Variants in GPC4 observed in about 807,000 individuals in gnomAD.
GPC4 encodes the protein glypican-4.
In GPC4, 10 loss-of-function variants were observed where a neutral mutation model predicts 35.0. The observed-to-expected ratio is 0.29, with a 90% CI of 0.18 to 0.48. GPC4 has a LOEUF of 0.48. Ranked by LOEUF, GPC4 falls within the 20% of genes least tolerant of loss-of-function variation. GPC4 has a pLI of 0.99. For synonymous variants in GPC4, 167 were observed against 170.2 expected, an observed-to-expected ratio of 0.98 and a Z score of 0.15; for missense variants, 322 against 451.3, an observed-to-expected ratio of 0.71 and a Z score of 2.60.
chrX:133,414,917 T>C lies in GPC4; in HGVS notation c.49A>G (p.Ser17Gly), dbSNP rs1438845208. 3 of 1,211,900 alleles carry C rather than the reference T, an allele frequency of 2.5e-6. No homozygotes were observed. The highest frequency in any genetic ancestry group is 2.2e-6 in the Non-Finnish European group (2 of 895,481). ...PALLCTLAVLSAALLAAELKS... is the reference protein window; with the variant it reads ...PALLCTLAVLGAALLAAELKS... ...AGCTCGGCAGCCAGCAGCGCGGCGCTGAGCACTGCCAGGGTGCAGAGAAGC... is the reference window on the plus strand; with the variant it reads ...AGCTCGGCAGCCAGCAGCGCGGCGCCGAGCACTGCCAGGGTGCAGAGAAGC... The change falls in exon 1 of 9, where the codon AGC (serine) becomes GGC (glycine). Residue 17 changes from serine (S) to glycine (G), a missense_variant. Physicochemically the swap from Ser to Gly is moderately conservative, Grantham distance 56. This residue lies in a region of GPC4 where 60 missense variants were observed against 64.1 expected (regional missense o/e 0.94). Transcript: ENST00000370828.
At chrX:133,360,294 T>G (rs1354141248) in intron 1 of GPC4, among the ~76,000 whole-genome samples, 2 of 111,995 alleles carry the variant, frequency 1.8e-5, no homozygotes, top group Non-Finnish European at 3.8e-5. Context: ...GGGCAATTAT[T>G]TGCTTTATAA....
chrX:133,391,891 G>T (rs1467476943), intron 1 of GPC4, among the ~76,000 whole-genome samples: 1 of 111,564 alleles, frequency 9.0e-6, no homozygotes, highest in African/African-American at 3.3e-5. Flanking sequence ...CTCTACAAAC[G>T]ACAATCTAGG....
At chrX:133,396,266 A>G (rs973469151) in intron 1 of GPC4, among the ~76,000 whole-genome samples, 8 of 111,868 alleles carry the variant, frequency 7.2e-5, no homozygotes, top group African/African-American at 1.9e-4. Context: ...CAACTCTCTG[A>G]TCACACATCT....
intron 4 of GPC4, among the ~76,000 whole-genome samples, 173 bp downstream of exon 4, chrX:133,311,085 C>G (rs997760199): frequency 2.2e-4 from 25 of 112,550 alleles, no homozygotes; most frequent in African/African-American, 7.7e-4. Context: ...GGAACATTCA[C>G]TTGCAGTAAT....
intron 1 of GPC4, among the ~76,000 whole-genome samples, chrX:133,387,395 T>C (rs753182671): frequency 1.9e-5 from 2 of 106,206 alleles, no homozygotes; most frequent in Admixed American, 2.1e-4. Flanking sequence ...CAGTAGAGAA[T>C]TGGAAGCATT....
At chrX:133,330,170 C>A (rs1603067268) in intron 2 of GPC4, among the ~76,000 whole-genome samples, 1 of 111,125 alleles carries the variant, frequency 9.0e-6, no homozygotes, top group South Asian at 3.8e-4. Flanking sequence ...TATTAGGAAG[C>A]TGCCTTTTAC....
In GPC4 at chrX:133,303,055, C is replaced by T; in HGVS notation, c.1483G>A (p.Gly495Arg). The stretch of plus-strand genomic sequence containing the variant: ...TCACAGCCACTTCCACTTCCTTCTC[C>T]ACTACTTTCATCACCTAGTTTAAAA... ...DFFDISDESS[G>R]EGSGSGCEYQ... The change falls in exon 9 of 9, where the codon GGA (glycine) becomes AGA (arginine). Residue 495 changes from glycine (G) to arginine (R), a missense_variant. Physicochemically the swap from Gly to Arg is moderately radical, Grantham distance 125. Coordinates refer to ENST00000370828, the MANE Select transcript of GPC4 (RefSeq NM_001448.3). 3 of 1,211,243 alleles carry T rather than the reference C, an allele frequency of 2.5e-6. No individual in the cohort carries two copies. The highest frequency in any genetic ancestry group is 3.4e-6 in the Non-Finnish European group (3 of 895,151).
At chrX:133,390,590 G>GGAGA (rs1454183792) in intron 1 of GPC4, among the ~76,000 whole-genome samples, 2 of 112,008 alleles carry the variant, frequency 1.8e-5, no homozygotes, top group Non-Finnish European at 3.8e-5. Flanking sequence ...CAGCAAGGAA[G>GGAGA]GAGACAAAAA....
At chrX:133,307,736 T>C (rs970223086) in intron 4 of GPC4, among the ~76,000 whole-genome samples, 6 of 111,604 alleles carry the variant, frequency 5.4e-5, no homozygotes, top group Non-Finnish European at 1.1e-4. Flanking sequence ...CTGCTCCCAA[T>C]AAAAATATTA....
intron 1 of GPC4, among the ~76,000 whole-genome samples, chrX:133,411,525 T>A (rs2068813001): frequency 9.0e-6 from 1 of 111,604 alleles, no homozygotes; most frequent in African/African-American, 3.3e-5. Flanking sequence ...CTAAATCCCT[T>A]CTCTCTTTGA....
rs12156957 is a variant in GPC4 at position 133,414,710 on chromosome X, T to C, written c.160+96A>G. ...CATTTCTCCCTCTAGTGTACCTGCGTCCGGCGCAGGGGGCGGCGGGGCGGG... is the reference window on the plus strand; with the variant it reads ...CATTTCTCCCTCTAGTGTACCTGCGCCCGGCGCAGGGGGCGGCGGGGCGGG... On this transcript the variant is annotated intron_variant, in intron 1 of 8. Coordinates refer to ENST00000370828, the MANE Select transcript of GPC4 (RefSeq NM_001448.3). The C allele has an allele frequency of 0.061, 71,239 of 1,171,799 alleles. 1,695 individuals carry two copies. Among genetic ancestry groups the C allele is most frequent in the Non-Finnish European group, 0.068 (59,179 of 872,547 alleles).
At chrX:133,352,242 G>A (rs904208829) in intron 1 of GPC4, among the ~76,000 whole-genome samples, 11 of 111,767 alleles carry the variant, frequency 9.8e-5, no homozygotes, top group African/African-American at 3.3e-4. Flanking sequence ...GGTGCCTTTG[G>A]ACAAAGTAGG....
At chrX:133,359,839 A>G (rs753353539) in intron 1 of GPC4, among the ~76,000 whole-genome samples, 2 of 111,495 alleles carry the variant, frequency 1.8e-5, no homozygotes, top group African/African-American at 6.5e-5. Context: ...TTTGGCCAAC[A>G]TGTGTAGGCT....
intron 1 of GPC4, among the ~76,000 whole-genome samples, chrX:133,396,411 C>A (rs2068743046): frequency 8.9e-6 from 1 of 111,843 alleles, no homozygotes; most frequent in Non-Finnish European, 1.9e-5. Context: ...CCCCAGGAAG[C>A]CACAAAGCAT....
rs145328233 is a variant in GPC4 at position 133,370,559 on chromosome X, G to A, written c.161-31218C>T. ...GAGCTTATTTTTTCATACCTTCACT[G>A]TTCCAATGGAACAGTTCCATCATCT... On this transcript the variant is annotated intron_variant, in intron 1 of 8. Coordinates refer to ENST00000370828, the MANE Select transcript of GPC4 (RefSeq NM_001448.3). Among the ~76,000 whole-genome samples, 297 of 111,208 alleles carry A rather than the reference G, an allele frequency of 2.7e-3. 1 individual carries two copies. The highest frequency in any genetic ancestry group is 8.9e-3 in the African/African-American group (273 of 30,634).
At chrX:133,335,482 C>T (rs1006609213) in intron 2 of GPC4, among the ~76,000 whole-genome samples, 13 of 111,283 alleles carry the variant, frequency 1.2e-4, no homozygotes, top group African/African-American at 2.9e-4. Flanking sequence ...CGCACACACA[C>T]GAGTTTATAT....
intron 1 of GPC4, among the ~76,000 whole-genome samples, chrX:133,397,530 G>A (rs1176996738): frequency 1.8e-5 from 2 of 109,070 alleles, no homozygotes; most frequent in African/African-American, 3.3e-5. Flanking sequence ...GCCCTCCAGG[G>A]TGGGTGACAG....
intron 1 of GPC4, among the ~76,000 whole-genome samples, chrX:133,398,057 C>T (rs2068752332): frequency 8.9e-6 from 1 of 111,879 alleles, no homozygotes; most frequent in African/African-American, 3.2e-5. Context: ...GAGAGAGACT[C>T]GGTCTCAAAC....
chrX:133,311,601 G>A, intron 3 of GPC4, 178 bp from the exon 4 acceptor site: 2 of 490,759 alleles, frequency 4.1e-6, no homozygotes, highest in East Asian at 3.7e-5. Flanking sequence ...GATACATGTT[G>A]GGACAGGGGA....
Sources: gnomAD v4.1 joint callset for allele counts (sites outside exome capture counted in the v4.1 genomes callset) on GRCh38, gnomAD v4.1.1 for gene constraint, gnomAD v4.1.1 regional missense constraint, MANE v1.5 for transcripts, NCBI Gene and HGNC (gene_info 2026-07-23, HGNC 2026-07-21) for gene names.